CDH11: variants seen among roughly 807,000 people sequenced by gnomAD.
CDH11 encodes cadherin 11.
CDH11 carries 11 observed loss-of-function variants against 67.8 expected under a neutral mutation model. That is an observed-to-expected ratio of 0.16 (90% confidence interval 0.10 to 0.27). CDH11 has a LOEUF of 0.27. CDH11 is among the 10% of genes least tolerant of loss of function. The probability of loss-of-function intolerance (pLI) is 1.00; values close to 1 mark genes in which losing one functional copy is unlikely to be tolerated. For missense variants in CDH11, 847 were observed against 1,031.2 expected (o/e 0.82, Z 2.45); for synonymous variants, 419 against 400.0 (o/e 1.05, Z -0.57).
rs1368953141 is a variant in CDH11 at position 64,947,854 on chromosome 16, T to A, written c.2140A>T (p.Ser714Cys). 28 of 1,614,048 alleles carry A rather than the reference T, an allele frequency of 1.7e-5. No homozygotes were observed. The highest frequency in any genetic ancestry group is 2.2e-5 in the Non-Finnish European group (26 of 1,180,026). The change falls in exon 13 of 13, where the codon AGC (serine) becomes TGC (cysteine). Residue 714 changes from serine to cysteine, a missense_variant. This residue lies in a region of CDH11 where 612 missense variants were observed against 678.7 expected (regional missense o/e 0.90). Coordinates refer to ENST00000268603, the MANE Select transcript of CDH11 (RefSeq NM_001797.4). ...PRPGLRPAPN[S>C]VDVDDFINTR... ...TTGATGAAGTCATCGACATCCACGC[T>A]GTTGGGCGCTGGCCGGAGCCCAGGT...
At chr16:65,105,894 T>C (rs531074630) in intron 1 of CDH11, among the ~76,000 whole-genome samples, 1 of 152,368 alleles carries the variant, frequency 6.6e-6, no homozygotes, top group South Asian at 2.1e-4. Flanking sequence ...TGAAGAGTGA[T>C]GCTATTACCA....
chr16:64,959,861 G>A (rs2071624348), intron 11 of CDH11, among the ~76,000 whole-genome samples: 1 of 152,298 alleles, frequency 6.6e-6, no homozygotes, highest in East Asian at 1.9e-4. Context: ...GGGGAAAACA[G>A]AAAGAAAGGC....
At position 64,981,933 on chromosome 16, in the gene CDH11, C is replaced by T. The variant is rs1375013126; in HGVS notation, c.1253+115G>A. 2.7e-5 allele frequency: 23 copies of T among 853,588 alleles called. No homozygotes were observed. The Admixed American group carries it at 4.8e-4, about 18-fold the overall frequency. The allele number at this position is 853,588 out of a possible 1,614,324, so 52.9% of individuals were successfully genotyped here. ...TTAATCTTGTTTACATTCTATTGAA[C>T]CTGATAAACTTGAACCCTTTTTGAA... On this transcript the variant is annotated intron_variant, in intron 8 of 12. Transcript: ENST00000268603.
chr16:65,020,551 G>A (rs765917649), intron 2 of CDH11, among the ~76,000 whole-genome samples: 1 of 152,102 alleles, frequency 6.6e-6, no homozygotes, highest in African/African-American at 2.4e-5. Flanking sequence ...GGCTGGTCTT[G>A]AACTCCCGAC....
chr16:65,006,212 G>A (rs1165238291), intron 2 of CDH11, among the ~76,000 whole-genome samples: 1 of 152,178 alleles, frequency 6.6e-6, no homozygotes, highest in Non-Finnish European at 1.5e-5. Flanking sequence ...ACCAATGTGA[G>A]GGAATCTGAG....
intron 3 of CDH11, among the ~76,000 whole-genome samples, chr16:65,000,115 C>T (rs1042003104): frequency 5.3e-5 from 8 of 152,184 alleles, no homozygotes; most frequent in Non-Finnish European, 1.2e-4. Context: ...TCTTCTTTGA[C>T]AGAGCTTAGA....
intron 1 of CDH11, among the ~76,000 whole-genome samples, chr16:65,106,911 G>C (rs761679692): frequency 6.6e-6 from 1 of 151,650 alleles, no homozygotes; most frequent in Non-Finnish European, 1.5e-5. Flanking sequence ...GGTGGGGAGA[G>C]TGCCAAGAAT....
chr16:64,985,031 G>A (rs2072450843), intron 7 of CDH11: 2 of 152,192 alleles, frequency 1.3e-5, no homozygotes, highest in South Asian at 4.1e-4. Flanking sequence ...ACTGTGCGGT[G>A]ATTTCTCTGA....
chr16:65,060,029 T>G (rs998981198), intron 1 of CDH11, among the ~76,000 whole-genome samples: 1 of 152,158 alleles, frequency 6.6e-6, no homozygotes, highest in Non-Finnish European at 1.5e-5. Context: ...TTACGTGCCA[T>G]CTACTACACG....
chr16:65,122,201 C>T, upstream of CDH11: 1 of 532,438 alleles, frequency 1.9e-6, no homozygotes, highest in South Asian at 2.2e-5. Context: ...TGAGAGAAGC[C>T]GAGGCTGCGA....
intron 6 of CDH11, among the ~76,000 whole-genome samples, chr16:64,991,160 C>A (rs1355748348): frequency 6.6e-6 from 1 of 152,056 alleles, no homozygotes; most frequent in Non-Finnish European, 1.5e-5. Context: ...TCACACTTTC[C>A]AAAACCAGCC....
At chr16:65,096,149 A>G (rs1275243951) in intron 1 of CDH11, among the ~76,000 whole-genome samples, 1 of 152,152 alleles carries the variant, frequency 6.6e-6, no homozygotes, top group African/African-American at 2.4e-5. Context: ...TTAACATTTT[A>G]TCGCAAGCAT....
chr16:65,076,796 G>A (rs993506484), intron 1 of CDH11, among the ~76,000 whole-genome samples: 1 of 150,814 alleles, frequency 6.6e-6, no homozygotes, highest in Non-Finnish European at 1.5e-5. Context: ...TTCTGTTCCT[G>A]TGTTAATTTG....
intron 2 of CDH11, among the ~76,000 whole-genome samples, chr16:65,020,004 T>C (rs538036643): frequency 6.6e-6 from 1 of 152,344 alleles, no homozygotes; most frequent in East Asian, 1.9e-4. Context: ...GTTTCAATTA[T>C]ATATGTTACA....
At chr16:65,081,425 C>T (rs993463910) in intron 1 of CDH11, among the ~76,000 whole-genome samples, 11 of 152,046 alleles carry the variant, frequency 7.2e-5, no homozygotes, top group African/African-American at 1.7e-4. Context: ...AAAAATTAGC[C>T]GGGCATGGTG....
At chr16:65,009,593 A>G (rs781086574) in intron 2 of CDH11, among the ~76,000 whole-genome samples, 22 of 152,184 alleles carry the variant, frequency 1.4e-4, no homozygotes, top group Non-Finnish European at 2.5e-4. Context: ...CCTCCTAAGG[A>G]GACCTTGATG....
At chr16:64,970,697 C>T (rs1389661657) in intron 11 of CDH11, among the ~76,000 whole-genome samples, 1 of 152,168 alleles carries the variant, frequency 6.6e-6, no homozygotes, top group African/African-American at 2.4e-5. Flanking sequence ...GCAGGGAAAG[C>T]AATCAACCTA....
At chr16:65,007,634 C>T (rs2073088477) in intron 2 of CDH11, among the ~76,000 whole-genome samples, 1 of 152,100 alleles carries the variant, frequency 6.6e-6, no homozygotes, top group African/African-American at 2.4e-5. Context: ...CACTAATTTG[C>T]CATGGAACTT....
At chr16:65,108,380 T>C (rs1242619437) in intron 1 of CDH11, among the ~76,000 whole-genome samples, 2 of 152,216 alleles carry the variant, frequency 1.3e-5, no homozygotes, top group Non-Finnish European at 2.9e-5. Flanking sequence ...TCCCCAGCTC[T>C]AACTACTAAA....
Sources: allele counts gnomAD v4.1 joint callset (sites outside exome capture counted in the v4.1 genomes callset), GRCh38; gene constraint gnomAD v4.1.1; regional missense constraint gnomAD v4.1.1; transcripts MANE v1.5; gene names NCBI Gene and HGNC (gene_info 2026-07-23, HGNC 2026-07-21).